AGL: variants seen among roughly 807,000 people sequenced by gnomAD.
AGL encodes the protein amylo-alpha-1,6-glucosidase and 4-alpha-glucanotransferase.
AGL carries 128 observed loss-of-function variants against 199.3 expected under a neutral mutation model. The ratio of observed to expected loss-of-function variants is 0.64; its 90% CI spans 0.56 to 0.74. The LOEUF (loss-of-function observed/expected upper bound fraction) is 0.74, where lower values mean the gene tolerates loss of function less well. Among genes scored for constraint, AGL ranks in the 30% least tolerant of loss-of-function variants. The probability of loss-of-function intolerance (pLI) is 0.00; values close to 1 mark genes in which losing one functional copy is unlikely to be tolerated. For synonymous variants in AGL, 584 were observed against 594.7 expected (o/e 0.98, Z 0.26); for missense variants, 1,809 against 1,820.8 (o/e 0.99, Z 0.12).
intron 7 of AGL, 48 bp from the exon 8 acceptor site, chr1:99,874,639 C>T (rs533182363): frequency 6.4e-7 from 1 of 1,553,686 alleles, no homozygotes; most frequent in African/African-American, 1.4e-5. Context: ...CAGTTATAAT[C>T]TCTTTGTAGA....
intron 12 of AGL, 112 bp downstream of exon 12, chr1:99,877,940 A>C: frequency 9.6e-7 from 1 of 1,041,942 alleles, no homozygotes; most frequent in South Asian, 1.3e-5. Context: ...GGACACAAGC[A>C]TTGATTTGGT....
rs1336710153 is a variant in AGL at position 99,879,908 on chromosome 1, CTG to C, written c.1612-12_1612-11del. On this transcript the variant is annotated splice_polypyrimidine_tract_variant and intron_variant, in intron 12 of 33. Transcript: ENST00000361915. ...TTACATTTATTTGTTACATTTGTCA[CTG>C]TGCTTTTTACAGTACATGTTGGATG... The C allele has an allele frequency of 5.0e-6, 8 of 1,594,316 alleles. No homozygotes were observed. Among genetic ancestry groups the C allele is most frequent in the South Asian group, 1.1e-5 (1 of 90,672 alleles).
In AGL at chr1:99,884,408, A is replaced by G. The variant is rs1285254855; in HGVS notation, c.2503A>G (p.Ile835Val). 3 of 1,613,396 alleles carry G rather than the reference A, an allele frequency of 1.9e-6. No individual in the cohort carries two copies. The Admixed American group carries it at 5.0e-5, about 27-fold the overall frequency. ...TKGPNEYIQE[I>V]EFENLSPGSV... ...AGGGCCCAATGAATATATTCAAGAA[A>G]TAGAATTTGAAAACTTGTCTCCAGG... The change falls in exon 19 of 34, where the codon ATA (isoleucine) becomes GTA (valine). Residue 835 changes from isoleucine (I) to valine (V), a missense_variant. Ile to Val is a conservative substitution (Grantham distance 29). Coordinates refer to ENST00000361915, the MANE Select transcript of AGL (RefSeq NM_000642.3).
At chr1:99,858,150 T>C (rs1465582999) in intron 2 of AGL, among the ~76,000 whole-genome samples, 1 of 152,164 alleles carries the variant, frequency 6.6e-6, no homozygotes, top group African/African-American at 2.4e-5. Context: ...CTATATTACT[T>C]TGTAAGGAGA....
chr1:99,881,445 C>T lies in AGL; in HGVS notation c.2155C>T (p.Gln719Ter), dbSNP rs1652018859. 3.1e-6 allele frequency: 5 copies of T among 1,613,980 alleles called. No individual in the cohort carries two copies. The highest frequency in any genetic ancestry group is 4.2e-6 in the Non-Finnish European group (5 of 1,179,954). The change falls in exon 16 of 34, where the codon CAG becomes TAG. Residue 719 changes from glutamine (Q) to a stop codon, truncating the protein, a stop_gained and splice_region_variant. Coordinates refer to ENST00000361915, the MANE Select transcript of AGL (RefSeq NM_000642.3). LOFTEE classifies it high-confidence loss of function. ...HQELGAKGFI[Q>*]VYVDQVDEDI... Reference sequence around the variant, plus strand: ...GGAGCTTGGAGCCAAGGGTTTTATTCAGGCAAGAAATAATTAAATTTGTTT... The same window carrying T: ...GGAGCTTGGAGCCAAGGGTTTTATTTAGGCAAGAAATAATTAAATTTGTTT...
At chr1:99,899,095 A>G (rs1229188287) in intron 25 of AGL, among the ~76,000 whole-genome samples, 2 of 150,866 alleles carry the variant, frequency 1.3e-5, no homozygotes. Flanking sequence ...ATATGTATAT[A>G]TAGAGAGAGC....
At chr1:99,904,232 T>G (rs1397715808) in intron 27 of AGL, among the ~76,000 whole-genome samples, 1 of 152,214 alleles carries the variant, frequency 6.6e-6, no homozygotes, top group African/African-American at 2.4e-5. Context: ...TAATAGTAAT[T>G]TATTTCATTT....
intron 26 of AGL, among the ~76,000 whole-genome samples, chr1:99,901,813 A>G (rs550975744): frequency 2.6e-5 from 4 of 152,030 alleles, no homozygotes; most frequent in Non-Finnish European, 5.9e-5. Flanking sequence ...GGGTTAGCAT[A>G]TATTTGTGTT....
chr1:99,902,798 C>T lies in AGL; in HGVS notation c.3700+4C>T. The T allele has an allele frequency of 6.2e-7, 1 of 1,602,034 alleles. No homozygotes were observed. The highest frequency in any genetic ancestry group is 8.5e-7 in the Non-Finnish European group (1 of 1,169,676). On this transcript the variant is annotated splice_donor_region_variant and intron_variant, in intron 27 of 33. Coordinates refer to ENST00000361915, the MANE Select transcript of AGL (RefSeq NM_000642.3). ...GATCGAAACATGAAGGACGAAGGTA[C>T]AGAACTTTAACTAAAATAGTACAAA...
chr1:99,852,482 G>C, intron 2 of AGL: 1 of 579,190 alleles, frequency 1.7e-6, no homozygotes, highest in Non-Finnish European at 3.0e-6. Flanking sequence ...CAGTTCTCCT[G>C]CCTCAGCCTC....
chr1:99,850,843 T>C (rs1240524757), intron 1 of AGL, 132 bp from the exon 2 acceptor site: 5 of 618,572 alleles, frequency 8.1e-6, no homozygotes, highest in African/African-American at 3.7e-5. Context: ...ATCTTAATAG[T>C]TATAAGATTC....
In AGL at chr1:99,880,047, G is replaced by A; in HGVS notation, c.1735+1G>A. On this transcript the variant is annotated splice_donor_variant, in intron 13 of 33. Coordinates refer to ENST00000361915, the MANE Select transcript of AGL (RefSeq NM_000642.3). LOFTEE classifies it high-confidence loss of function. The stretch of plus-strand genomic sequence containing the variant: ...CTGGGCATTAGTTCCTTAATAAGAG[G>A]TAGGCTTGTTGGAGTGTATTTCCCT... The A allele has an allele frequency of 6.2e-7, 1 of 1,613,308 alleles. No individual in the cohort carries two copies. Among genetic ancestry groups the A allele is most frequent in the African/African-American group, 1.3e-5 (1 of 75,002 alleles).
rs1653430944 is a variant in AGL at position 99,897,528 on chromosome 1, G to A, written c.3362+1140G>A. Reference sequence around the variant, plus strand: ...GATACTTTTAAAACTGAAGTTTTTAGGTGGGCATCTGAAATGAATTGCATT... The same window carrying A: ...GATACTTTTAAAACTGAAGTTTTTAAGTGGGCATCTGAAATGAATTGCATT... On this transcript the variant is annotated intron_variant, in intron 25 of 33. Transcript: ENST00000361915. 2.0e-5 allele frequency among the ~76,000 whole-genome samples: 3 copies of A among 152,168 alleles called. No homozygotes were observed. The South Asian group carries it at 6.2e-4, about 32-fold the overall frequency.
intron 33 of AGL, among the ~76,000 whole-genome samples, chr1:99,920,395 T>C (rs1405855206): frequency 6.6e-6 from 1 of 152,182 alleles, no homozygotes; most frequent in East Asian, 1.9e-4. Flanking sequence ...CTTAACTAAT[T>C]ACATCTGCAG....
chr1:99,875,700 A>G (rs1445088239), intron 10 of AGL, among the ~76,000 whole-genome samples: 1 of 152,202 alleles, frequency 6.6e-6, no homozygotes, highest in Non-Finnish European at 1.5e-5. Flanking sequence ...GGAGGACTGC[A>G]TACTTAGTAA....
chr1:99,899,938 CTT>C (rs371505865), intron 25 of AGL, among the ~76,000 whole-genome samples: 1 of 145,062 alleles, frequency 6.9e-6, no homozygotes. Flanking sequence ...TTTCTTTCTT[CTT>C]TTTTTTTTTG....
At chr1:99,876,643 T>C (rs1557759818) in intron 11 of AGL, 46 bp downstream of exon 11, 3 of 1,605,422 alleles carry the variant, frequency 1.9e-6, no homozygotes, top group African/African-American at 1.3e-5. Context: ...GAATAGTTCA[T>C]GGCAAGGTCA....
chr1:99,864,740 G>A lies in AGL; in HGVS notation c.664+151G>A, dbSNP rs565950895. ...ACAAATGATGATTAGGTGTCCTTCT[G>A]TTTAAAAAATTAATATTTTTCCTTT... On this transcript the variant is annotated intron_variant, in intron 5 of 33. Coordinates refer to ENST00000361915, the MANE Select transcript of AGL (RefSeq NM_000642.3). The A allele has an allele frequency of 4.9e-5, 33 of 671,024 alleles. No individual in the cohort carries two copies. The Admixed American group carries it at 6.1e-4, about 12-fold the overall frequency. The allele number at this position is 671,024 out of a possible 1,614,324, so 41.6% of individuals were successfully genotyped here.
rs1422276999 is a variant in AGL, at chr1:99,921,652, T to A, written c.*1T>A. 25 of 1,587,442 alleles carry A rather than the reference T, an allele frequency of 1.6e-5. 1 individual carries two copies. The East Asian group carries it at 5.6e-4, about 36-fold the overall frequency. ...TCTTGAGACACTTTATGATTTATAG[T>A]TTATTACAGATATTAAGTATGCAAT... is the stretch of plus-strand genomic sequence containing the variant. On this transcript the variant is annotated 3_prime_UTR_variant, in exon 34 of 34. Coordinates refer to ENST00000361915, the MANE Select transcript of AGL (RefSeq NM_000642.3).
Sources: allele counts gnomAD v4.1 joint callset (sites outside exome capture counted in the v4.1 genomes callset), GRCh38; gene constraint gnomAD v4.1.1; transcripts MANE v1.5; gene names NCBI Gene and HGNC (gene_info 2026-07-23, HGNC 2026-07-21).